SYNE1: variants seen among roughly 807,000 people sequenced by gnomAD.
SYNE1 encodes the protein nesprin-1.
SYNE1 carries 616 observed loss-of-function variants against 1,111.0 expected under a neutral mutation model. The observed-to-expected ratio is 0.55, with a 90% CI of 0.52 to 0.59. The LOEUF (loss-of-function observed/expected upper bound fraction) is 0.59. Among genes scored for constraint, SYNE1 ranks in the 20% least tolerant of loss-of-function variants. The pLI is 0.00. For synonymous variants in SYNE1, 3,855 were observed against 3,825.8 expected, an observed-to-expected ratio of 1.01 and a Z score of -0.28; for missense variants, 10,006 against 10,417.0, an observed-to-expected ratio of 0.96 and a Z score of 1.72.
intron 82 of SYNE1, among the ~76,000 whole-genome samples, chr6:152,322,466 T>G (rs937717365): frequency 2.2e-5 from 3 of 137,488 alleles, no homozygotes; most frequent in Non-Finnish European, 4.8e-5. Flanking sequence ...TCAATGAATA[T>G]TTTTTTCTCT....
At chr6:152,533,351 C>T (rs977600716) in intron 4 of SYNE1, among the ~76,000 whole-genome samples, 6 of 151,950 alleles carry the variant, frequency 3.9e-5, no homozygotes, top group African/African-American at 1.5e-4. Flanking sequence ...CCCTCCAGCT[C>T]AGCTTTAAAT....
intron 82 of SYNE1, among the ~76,000 whole-genome samples, chr6:152,322,099 T>C (rs2095882308): frequency 6.6e-6 from 1 of 152,226 alleles, no homozygotes; most frequent in Non-Finnish European, 1.5e-5. Flanking sequence ...GAGAGTTGAC[T>C]GTCTCACATG....
chr6:152,172,683 G>A (rs1328081586), intron 130 of SYNE1, among the ~76,000 whole-genome samples: 4 of 152,184 alleles, frequency 2.6e-5, no homozygotes, highest in South Asian at 4.1e-4. Context: ...TTGACAAAAC[G>A]AGAGCCAGTA....
Position 152,180,417 on chromosome 6 carries a change from G to C in SYNE1, c.23302-123C>G. On this transcript the variant is annotated intron_variant, in intron 128 of 145. Coordinates refer to ENST00000367255, the MANE Select transcript of SYNE1 (RefSeq NM_182961.4). ...TAGTCATACATCTTTTTAGCCCACT[G>C]TTTCCTGAAGTCTAGGATTTGCTAT... The C allele has an allele frequency of 4.3e-6, 4 of 935,854 alleles. No homozygotes were observed. The South Asian group carries it at 6.2e-5, about 15-fold the overall frequency. 58.0% of individuals were successfully genotyped at this position (935,854 alleles called of 1,614,324 possible). A position where few individuals can be genotyped will look rare whatever the true frequency, so the allele number is the denominator to read the frequency against.
intron 104 of SYNE1, among the ~76,000 whole-genome samples, chr6:152,252,724 C>A (rs2089687148): frequency 6.6e-6 from 1 of 152,198 alleles, no homozygotes; most frequent in Non-Finnish European, 1.5e-5. Flanking sequence ...TGGAAAGTTT[C>A]TCTCAACTAA....
At chr6:152,522,619 T>C (rs181062815) in intron 5 of SYNE1, among the ~76,000 whole-genome samples, 5 of 152,230 alleles carry the variant, frequency 3.3e-5, no homozygotes, top group Admixed American at 2.6e-4. Context: ...TTTAGTTCTT[T>C]AAGAAATCAT....
Position 152,224,480 on chromosome 6 carries a change from A to G in SYNE1, c.21522+14T>C, listed in dbSNP as rs201504700. 23 of 1,612,650 alleles carry G rather than the reference A, an allele frequency of 1.4e-5. No individual in the cohort carries two copies. Among genetic ancestry groups the G allele is most frequent in the Non-Finnish European group, 2.5e-6 (3 of 1,178,832 alleles). On this transcript the variant is annotated intron_variant, in intron 117 of 145. Coordinates refer to ENST00000367255, the MANE Select transcript of SYNE1 (RefSeq NM_182961.4). ...TAAAATGAACGTTAAGGATGTGTTAAATTAATTCCTTACCTGAAGATTGTC... is the reference window on the plus strand; with the variant it reads ...TAAAATGAACGTTAAGGATGTGTTAGATTAATTCCTTACCTGAAGATTGTC...
Position 152,436,052 on chromosome 6 carries a change from A to C in SYNE1, c.4199T>G (p.Val1400Gly), listed in dbSNP as rs753507823. The change falls in exon 33 of 146, where the codon GTA becomes GGA. Residue 1400 changes from valine to glycine, a missense_variant. By Grantham distance (109) the Val-to-Gly change is moderately radical. Transcript: ENST00000367255. ...AAGCGGTATCTCTGAAGCTTCCTTTACAAGGTTCTCAGCCTGGACTGCAAT... is the reference window on the plus strand; with the variant it reads ...AAGCGGTATCTCTGAAGCTTCCTTTCCAAGGTTCTCAGCCTGGACTGCAAT... ...ESIAVQAENL[V>G]KEASEIPLGP... The C allele has an allele frequency of 6.2e-7, 1 of 1,613,932 alleles. No homozygotes were observed. The highest frequency in any genetic ancestry group is 8.5e-7 in the Non-Finnish European group (1 of 1,180,006).
rs184515612 is a variant in SYNE1 at position 152,260,302 on chromosome 6, G to A, written c.18972+1730C>T. 2.8e-3 allele frequency among the ~76,000 whole-genome samples: 430 copies of A among 152,292 alleles called. 1 individual carries two copies. Among genetic ancestry groups the A allele is most frequent in the Non-Finnish European group, 4.3e-3 (294 of 68,018 alleles). On this transcript the variant is annotated intron_variant, in intron 101 of 145. Transcript: ENST00000367255. ...GCTAGCAGTCAAGTCCAGAAGATCC[G>A]TATCAGGAACAAGGAATTTGAGCTA...
chr6:152,522,894 G>A (rs994962375), intron 5 of SYNE1, among the ~76,000 whole-genome samples: 1 of 151,928 alleles, frequency 6.6e-6, no homozygotes, highest in South Asian at 2.1e-4. Context: ...CGTTTTGATG[G>A]TATTGTTTGT....
chr6:152,406,496 A>AT (rs1002824434), intron 45 of SYNE1, among the ~76,000 whole-genome samples: 3 of 144,364 alleles, frequency 2.1e-5, no homozygotes, highest in Admixed American at 2.1e-4. Context: ...AAAAAAAAAA[A>AT]CCCTTTTATT....
intron 3 of SYNE1, among the ~76,000 whole-genome samples, chr6:152,588,165 T>A (rs1319845419): frequency 1.3e-5 from 2 of 152,192 alleles, no homozygotes; most frequent in Non-Finnish European, 2.9e-5. Context: ...AGCTGCTTCA[T>A]CAGATACAGA....
At chr6:152,506,626 C>T (rs967620249) in intron 8 of SYNE1, among the ~76,000 whole-genome samples, 4 of 151,932 alleles carry the variant, frequency 2.6e-5, no homozygotes, top group African/African-American at 7.3e-5. Flanking sequence ...ACTGCAACCT[C>T]CACCCCCCAG....
chr6:152,324,691 C>T (rs1443800351), intron 81 of SYNE1, among the ~76,000 whole-genome samples: 1 of 152,038 alleles, frequency 6.6e-6, no homozygotes, highest in East Asian at 1.9e-4. Flanking sequence ...CTACTCGCTA[C>T]TCGGGAGGCT....
At chr6:152,499,217 A>G (rs1470430738) in intron 10 of SYNE1, among the ~76,000 whole-genome samples, 1 of 152,232 alleles carries the variant, frequency 6.6e-6, no homozygotes, top group South Asian at 2.1e-4. Context: ...TGTTTGTTGC[A>G]ATGGAAGAAC....
At chr6:152,479,367 A>T (rs2098864693) in intron 14 of SYNE1, among the ~76,000 whole-genome samples, 1 of 152,226 alleles carries the variant, frequency 6.6e-6, no homozygotes, top group Non-Finnish European at 1.5e-5. Context: ...CAGGTGGCAG[A>T]GCCTAATGGC....
rs137887422 is a variant in SYNE1, at chr6:152,387,515, G to A, written c.8178-134C>T. The A allele has an allele frequency of 2.6e-5, 23 of 877,862 alleles. No individual in the cohort carries two copies. In the East Asian group the frequency reaches 5.5e-4, roughly 21 times the overall value. 54.4% of individuals were successfully genotyped at this position (877,862 alleles called of 1,614,324 possible). On this transcript the variant is annotated intron_variant, in intron 53 of 145. Coordinates refer to ENST00000367255, the MANE Select transcript of SYNE1 (RefSeq NM_182961.4). ...GAAGTGATGAAAATGTTGCTTTTGA[G>A]TGCAGGGAGAAACACTACTTCTCTG...
intron 100 of SYNE1, among the ~76,000 whole-genome samples, chr6:152,262,839 T>G: frequency 7.2e-6 from 1 of 139,628 alleles, no homozygotes; most frequent in African/African-American, 2.8e-5. Flanking sequence ...CCTGAGAAGG[T>G]AGTAGAGGAC....
intron 32 of SYNE1, 81 bp from the exon 33 acceptor site, chr6:152,436,182 C>T: frequency 6.9e-7 from 1 of 1,440,012 alleles, no homozygotes; most frequent in Non-Finnish European, 9.6e-7. Flanking sequence ...ATATTGCATA[C>T]AGAACAGATG....
Sources: allele counts gnomAD v4.1 joint callset (sites outside exome capture counted in the v4.1 genomes callset), GRCh38; gene constraint gnomAD v4.1.1; transcripts MANE v1.5; gene names NCBI Gene and HGNC (gene_info 2026-07-23, HGNC 2026-07-21).